The following GAS7 variants were observed in gnomAD, a reference collection of about 807,000 sequenced individuals.
GAS7 encodes the protein growth arrest specific 7, also known as growth arrest-specific protein 7.
Under a neutral mutation model 71.1 loss-of-function variants are expected in GAS7, and 28 were observed. The observed-to-expected ratio is 0.39, with a 90% CI of 0.29 to 0.54. The LOEUF is 0.54. Ranked by LOEUF, GAS7 falls within the 20% of genes least tolerant of loss-of-function variation. GAS7 has a pLI of 0.62. For missense variants in GAS7, 436 were observed against 627.8 expected (o/e 0.69, Z 3.27); for synonymous variants, 258 against 245.8 (o/e 1.05, Z -0.46).
intron 1 of GAS7, among the ~76,000 whole-genome samples, chr17:10,102,209 A>T (rs1322233105): frequency 8.6e-6 from 1 of 116,022 alleles, no homozygotes; most frequent in African/African-American, 2.9e-5. Flanking sequence ...TGCCCGTAAA[A>T]AAAAAAAAAA....
At chr17:9,927,153 G>T (rs2068032612) in intron 9 of GAS7, among the ~76,000 whole-genome samples, 1 of 149,126 alleles carries the variant, frequency 6.7e-6, no homozygotes. Context: ...GCTAAATCAA[G>T]TTAATAATCA....
chr17:10,138,478 C>A (rs1412473422), intron 1 of GAS7, among the ~76,000 whole-genome samples: 1 of 152,036 alleles, frequency 6.6e-6, no homozygotes, highest in East Asian at 1.9e-4. Context: ...AAAAACCAAA[C>A]TAGAGGCTGG....
chr17:9,924,117 C>T (rs549782719), intron 11 of GAS7, among the ~76,000 whole-genome samples: 1 of 152,282 alleles, frequency 6.6e-6, no homozygotes, highest in South Asian at 2.1e-4. Context: ...CTGTGAATAG[C>T]ATTTTATATT....
At chr17:10,149,031 G>T (rs907209738) in intron 1 of GAS7, among the ~76,000 whole-genome samples, 11 of 152,104 alleles carry the variant, frequency 7.2e-5, no homozygotes, top group African/African-American at 2.7e-4. Flanking sequence ...GCTCCAGAAG[G>T]TTGCTGCAAG....
chr17:10,045,605 G>C (rs1362617810), intron 1 of GAS7, among the ~76,000 whole-genome samples: 1 of 152,206 alleles, frequency 6.6e-6, no homozygotes, highest in East Asian at 1.9e-4. Flanking sequence ...GCTGAGACAG[G>C]AGAATTGCTT....
intron 1 of GAS7, among the ~76,000 whole-genome samples, chr17:10,094,892 C>T (rs1035752350): frequency 3.9e-5 from 6 of 152,222 alleles, no homozygotes; most frequent in Non-Finnish European, 1.5e-5. Flanking sequence ...AGTTTATCAT[C>T]CCGTCTTTTA....
At chr17:10,087,667 GA>G (rs1212934365) in intron 1 of GAS7, among the ~76,000 whole-genome samples, 1 of 152,208 alleles carries the variant, frequency 6.6e-6, no homozygotes, top group African/African-American at 2.4e-5. Context: ...ACTGAACTCT[GA>G]AAAGAAGGCT....
intron 1 of GAS7, among the ~76,000 whole-genome samples, chr17:10,194,918 G>C (rs529839556): frequency 1.5e-4 from 21 of 141,680 alleles, no homozygotes; most frequent in Middle Eastern, 3.8e-3. Flanking sequence ...CATAGCAGAA[G>C]AAACCCTCAG....
chr17:10,151,228 C>A (rs1027939300), intron 1 of GAS7, among the ~76,000 whole-genome samples: 3 of 152,082 alleles, frequency 2.0e-5, no homozygotes, highest in African/African-American at 7.2e-5. Flanking sequence ...TGATTTCAAA[C>A]TCCTGGGCTC....
rs533803899 is a variant in GAS7 at position 10,066,355 on chromosome 17, T to G, written c.184-46458A>C. 1.7e-4 allele frequency among the ~76,000 whole-genome samples: 26 copies of G among 152,278 alleles called. 2 individuals are homozygous for G. In the South Asian group the frequency reaches 5.4e-3, roughly 32 times the overall value. ...GTCACCACGCCTAGCTAATTTTGTA[T>G]TTTTAGGAGAGATGGGGTTTCTCCA... On this transcript the variant is annotated intron_variant, in intron 1 of 13. Coordinates refer to ENST00000432992, the MANE Select transcript of GAS7 (RefSeq NM_201433.2).
At chr17:10,053,966 T>G (rs1033377556) in intron 1 of GAS7, among the ~76,000 whole-genome samples, 6 of 152,180 alleles carry the variant, frequency 3.9e-5, no homozygotes, top group Non-Finnish European at 5.9e-5. Context: ...TCCGTAGGTT[T>G]GGGTACCATC....
intron 1 of GAS7, among the ~76,000 whole-genome samples, chr17:10,173,886 C>A (rs1240111313): frequency 6.6e-6 from 1 of 152,192 alleles, no homozygotes; most frequent in Non-Finnish European, 1.5e-5. Context: ...CCAGCAGCAG[C>A]AGCCTGGAAA....
At chr17:10,180,331 C>CAAAAAAA (rs34829725) in intron 1 of GAS7, among the ~76,000 whole-genome samples, 1 of 96,486 alleles carries the variant, frequency 1.0e-5, no homozygotes, top group Non-Finnish European at 2.0e-5. Flanking sequence ...AACTCTGCCT[C>CAAAAAAA]AAAAAAAAAA....
chr17:10,132,795 T>C (rs2074007303), intron 1 of GAS7, among the ~76,000 whole-genome samples: 1 of 152,104 alleles, frequency 6.6e-6, no homozygotes, highest in Non-Finnish European at 1.5e-5. Context: ...CAATTTAATC[T>C]TTAAAGTCTC....
intron 2 of GAS7, among the ~76,000 whole-genome samples, chr17:9,990,213 G>A (rs936982152): frequency 9.2e-5 from 14 of 152,128 alleles, no homozygotes; most frequent in African/African-American, 2.4e-4. Context: ...AGCTTGCAGT[G>A]AGCCGAGATC....
intron 1 of GAS7, among the ~76,000 whole-genome samples, chr17:10,160,699 T>C (rs958566943): frequency 1.3e-5 from 2 of 152,212 alleles, no homozygotes; most frequent in Admixed American, 6.5e-5. Context: ...TAAGGAAGTA[T>C]GTGCTTTGCT....
chr17:10,017,240 C>G (rs568232714), intron 2 of GAS7, among the ~76,000 whole-genome samples: 1 of 152,140 alleles, frequency 6.6e-6, no homozygotes, highest in African/African-American at 2.4e-5. Flanking sequence ...GAAGCAGGGA[C>G]CAGCAGCTAT....
intron 11 of GAS7, among the ~76,000 whole-genome samples, chr17:9,924,440 C>T (rs549875984): frequency 3.3e-5 from 5 of 152,050 alleles, no homozygotes; most frequent in East Asian, 3.9e-4. Flanking sequence ...CTCAGACTGC[C>T]GGATTACAGG....
chr17:10,164,559 A>C (rs1462063409), intron 1 of GAS7, among the ~76,000 whole-genome samples: 1 of 151,866 alleles, frequency 6.6e-6, no homozygotes, highest in Non-Finnish European at 1.5e-5. Flanking sequence ...GCTACTAGGG[A>C]GGCTGAGCAG....
Sources: gnomAD v4.1 joint callset for allele counts (sites outside exome capture counted in the v4.1 genomes callset) on GRCh38, gnomAD v4.1.1 for gene constraint, MANE v1.5 for transcripts, NCBI Gene and HGNC (gene_info 2026-07-23, HGNC 2026-07-21) for gene names.